The following SPIDR variants were observed in gnomAD, a reference collection of about 807,000 sequenced individuals.
The protein encoded by SPIDR is scaffold protein involved in DNA repair.
Under a neutral mutation model 104.6 loss-of-function variants are expected in SPIDR, and 93 were observed. That is an observed-to-expected ratio of 0.89 (90% confidence interval 0.75 to 1.06). The LOEUF (loss-of-function observed/expected upper bound fraction) is 1.06, where lower values mean the gene tolerates loss of function less well. Ranked by LOEUF, SPIDR falls within the 50% of genes least tolerant of loss-of-function variation. The pLI, the probability that SPIDR is intolerant of heterozygous loss-of-function variation, is 0.00. For missense variants in SPIDR, 1,154 were observed against 1,111.2 expected, an observed-to-expected ratio of 1.04 and a Z score of -0.55; for synonymous variants, 431 against 416.9, an observed-to-expected ratio of 1.03 and a Z score of -0.41.
intron 8 of SPIDR, among the ~76,000 whole-genome samples, chr8:47,449,940 C>A (rs2071386804): frequency 1.3e-5 from 2 of 152,274 alleles, no homozygotes; most frequent in South Asian, 4.2e-4. Context: ...GAGGCCGAGG[C>A]AGGCAGTGGA....
Position 47,706,598 on chromosome 8 carries a change from C to T in SPIDR, c.1977+4583C>T, listed in dbSNP as rs138608432. On this transcript the variant is annotated intron_variant, in intron 14 of 19. Coordinates refer to ENST00000297423, the MANE Select transcript of SPIDR (RefSeq NM_001080394.4). ...TGCCATCACCAACGATTCCTGTGTT[C>T]GCCTTTATAGCCACGTCGATCCTTT... Among the ~76,000 whole-genome samples the T allele has an allele frequency of 2.2e-4, 33 of 152,260 alleles. No individual in the cohort carries two copies. The East Asian group carries it at 2.3e-3, about 11-fold the overall frequency.
chr8:47,609,422 T>C (rs2063352660), intron 10 of SPIDR, among the ~76,000 whole-genome samples: 1 of 152,240 alleles, frequency 6.6e-6, no homozygotes, highest in Non-Finnish European at 1.5e-5. Context: ...TTTGTGTGTA[T>C]GGTCCAACAT....
intron 8 of SPIDR, among the ~76,000 whole-genome samples, chr8:47,482,306 G>T (rs2076984539): frequency 6.6e-6 from 1 of 152,120 alleles, no homozygotes; most frequent in Admixed American, 6.5e-5. Flanking sequence ...ATAGTGGGGT[G>T]TGCCTATAGT....
intron 10 of SPIDR, among the ~76,000 whole-genome samples, chr8:47,647,641 A>AGGGAGAGAGAGAGAGAGAGG (rs2070710159): frequency 2.1e-5 from 3 of 144,942 alleles, no homozygotes; most frequent in African/African-American, 7.9e-5. Flanking sequence ...AGAGAGAGAG[A>AGGGAGAGAGAGAGAGAGAGG]GAGAGAGAGA....
At position 47,440,554 on chromosome 8, in the gene SPIDR, G is replaced by C; in HGVS notation, c.1097+12G>C. The C allele has an allele frequency of 1.2e-6, 2 of 1,605,242 alleles. No homozygotes were observed. On this transcript the variant is annotated intron_variant, in intron 8 of 19. Transcript: ENST00000297423. ...ATCTTCCCTCCCTGGTGAGTGCGCA[G>C]AACTTAATCCAGCAGTCACCAACTG...
chr8:47,306,383 C>T lies in SPIDR; in HGVS notation c.525+12353C>T, dbSNP rs781918508. 2.9e-3 allele frequency among the ~76,000 whole-genome samples: 444 copies of T among 152,282 alleles called. 1 individual carries two copies. The highest frequency in any genetic ancestry group is 5.0e-3 in the South Asian group (24 of 4,824). On this transcript the variant is annotated intron_variant, in intron 5 of 19. Coordinates refer to ENST00000297423, the MANE Select transcript of SPIDR (RefSeq NM_001080394.4). ...CTTGAACTCTTGACCTCAAGTGATC[C>T]GCCCACCTCAGCCTCACAAAGTGCT...
At chr8:47,294,235 C>A in intron 5 of SPIDR, 1 of 542,340 alleles carries the variant, frequency 1.8e-6, no homozygotes, top group Non-Finnish European at 3.0e-6. Context: ...ATTGATCTCA[C>A]TTCTCTTTCA....
chr8:47,537,150 T>G (rs2087056272), intron 8 of SPIDR, among the ~76,000 whole-genome samples: 1 of 152,230 alleles, frequency 6.6e-6, no homozygotes, highest in Non-Finnish European at 1.5e-5. Context: ...GGAAGGCACT[T>G]CAGCACTTTG....
At chr8:47,677,975 G>A (rs559128766) in intron 11 of SPIDR, among the ~76,000 whole-genome samples, 2 of 151,812 alleles carry the variant, frequency 1.3e-5, no homozygotes, top group East Asian at 1.9e-4. Flanking sequence ...ATGCCAAGAC[G>A]GGCAGATCGC....
chr8:47,453,755 C>G (rs1401878322), intron 8 of SPIDR, among the ~76,000 whole-genome samples: 1 of 152,026 alleles, frequency 6.6e-6, no homozygotes, highest in African/African-American at 2.4e-5. Flanking sequence ...CATAAAAACC[C>G]TAGAAGAAAA....
At chr8:47,604,508 G>C (rs1362876418) in intron 10 of SPIDR, among the ~76,000 whole-genome samples, 1 of 152,228 alleles carries the variant, frequency 6.6e-6, no homozygotes, top group Non-Finnish European at 1.5e-5. Context: ...AAAGCAGAGA[G>C]ACGCAGGAAG....
chr8:47,672,553 T>C (rs2075932054), intron 10 of SPIDR, among the ~76,000 whole-genome samples: 1 of 152,272 alleles, frequency 6.6e-6, no homozygotes, highest in African/African-American at 2.4e-5. Context: ...ATATTTTTAT[T>C]TCAATAAATG....
At chr8:47,484,614 C>G (rs2077290814) in intron 8 of SPIDR, among the ~76,000 whole-genome samples, 1 of 152,142 alleles carries the variant, frequency 6.6e-6, no homozygotes, top group African/African-American at 2.4e-5. Context: ...GGGAGATGGT[C>G]TCGTAGTTCT....
At chr8:47,524,540 G>A (rs1189901033) in intron 8 of SPIDR, among the ~76,000 whole-genome samples, 6 of 152,188 alleles carry the variant, frequency 3.9e-5, no homozygotes, top group Non-Finnish European at 8.8e-5. Context: ...GCATTTGCGT[G>A]TGTCCCTCCT....
chr8:47,630,247 G>A (rs1429021627), intron 10 of SPIDR, among the ~76,000 whole-genome samples: 1 of 152,054 alleles, frequency 6.6e-6, no homozygotes, highest in Non-Finnish European at 1.5e-5. Context: ...GGAATACTGG[G>A]GAAAATAGAA....
chr8:47,476,587 C>G (rs938484136), intron 8 of SPIDR, among the ~76,000 whole-genome samples: 1 of 152,128 alleles, frequency 6.6e-6, no homozygotes, highest in South Asian at 2.1e-4. Flanking sequence ...ACCTCACCAC[C>G]TCCGAGACTC....
intron 8 of SPIDR, among the ~76,000 whole-genome samples, chr8:47,575,958 TA>T (rs1308892468): frequency 0.034 from 4,768 of 140,564 alleles, 219 homozygotes; most frequent in African/African-American, 0.1. Flanking sequence ...AGATTCCTTT[TA>T]AAAAAAAAAA....
intron 12 of SPIDR, among the ~76,000 whole-genome samples, chr8:47,700,868 A>G (rs1391683350): frequency 6.6e-6 from 1 of 152,220 alleles, no homozygotes; most frequent in Non-Finnish European, 1.5e-5. Flanking sequence ...TCAGTTACCA[A>G]TTGGAGCAGG....
At chr8:47,317,638 G>C (rs1029081101) in intron 5 of SPIDR, among the ~76,000 whole-genome samples, 1 of 152,158 alleles carries the variant, frequency 6.6e-6, no homozygotes, top group Non-Finnish European at 1.5e-5. Context: ...AGAACAGAAA[G>C]ACTGCCTCCT....
Sources: allele counts gnomAD v4.1 joint callset (sites outside exome capture counted in the v4.1 genomes callset), GRCh38; gene constraint gnomAD v4.1.1; transcripts MANE v1.5; gene names NCBI Gene and HGNC (gene_info 2026-07-23, HGNC 2026-07-21).